The following DNAI1 variants were observed in gnomAD, a reference collection of about 807,000 sequenced individuals.
DNAI1 encodes dynein axonemal intermediate chain 1.
Under a neutral mutation model 92.0 loss-of-function variants are expected in DNAI1, and 67 were observed. The observed-to-expected ratio is 0.73, with a 90% CI of 0.60 to 0.89. The LOEUF is 0.89. Among genes scored for constraint, DNAI1 ranks in the 40% least tolerant of loss-of-function variants. DNAI1 has a pLI of 0.00. For synonymous variants in DNAI1, 323 were observed against 319.6 expected (o/e 1.01, Z -0.11); for missense variants, 839 against 866.6 (o/e 0.97, Z 0.40).
intron 16 of DNAI1, among the ~76,000 whole-genome samples, chr9:34,513,428 T>TCCGG (rs1825112067): frequency 6.6e-6 from 1 of 152,044 alleles, no homozygotes; most frequent in East Asian, 1.9e-4. Flanking sequence ...CATCTTTTCC[T>TCCGG]CCGGGCCCTC....
intron 12 of DNAI1, among the ~76,000 whole-genome samples, chr9:34,505,238 G>A: frequency 6.6e-6 from 1 of 152,118 alleles, no homozygotes; most frequent in South Asian, 2.1e-4. Flanking sequence ...CTCCAGGGGA[G>A]CAGCCCTTTC....
intron 13 of DNAI1, among the ~76,000 whole-genome samples, chr9:34,511,253 C>T (rs1200957738): frequency 2.0e-5 from 3 of 152,234 alleles, no homozygotes; most frequent in Admixed American, 2.0e-4. Flanking sequence ...GAGTCTCAAG[C>T]GTGTCATCTT....
At chr9:34,479,524 C>G (rs1440487493) in intron 1 of DNAI1, among the ~76,000 whole-genome samples, 3 of 152,152 alleles carry the variant, frequency 2.0e-5, no homozygotes, top group Non-Finnish European at 4.4e-5. Flanking sequence ...ACTCAAATTG[C>G]CTTGTCAGTT....
intron 16 of DNAI1, among the ~76,000 whole-genome samples, chr9:34,513,419 A>G (rs1189612762): frequency 6.6e-6 from 1 of 152,192 alleles, no homozygotes; most frequent in Non-Finnish European, 1.5e-5. Context: ...CCAGCTCAGC[A>G]TCTTTTCCTC....
chr9:34,492,647 G>A (rs1176976964), intron 8 of DNAI1, among the ~76,000 whole-genome samples: 2 of 150,830 alleles, frequency 1.3e-5, no homozygotes, highest in Admixed American at 1.3e-4. Context: ...AGCCTGCTGA[G>A]TAGCTGGGAC....
intron 4 of DNAI1, among the ~76,000 whole-genome samples, chr9:34,487,431 C>A (rs904313572): frequency 6.6e-6 from 1 of 151,990 alleles, no homozygotes; most frequent in Non-Finnish European, 1.5e-5. Flanking sequence ...ATGATCTGCC[C>A]GCCTCAGCCT....
chr9:34,490,133 T>C lies in DNAI1; in HGVS notation c.501+9T>C. On this transcript the variant is annotated intron_variant, in intron 6 of 19. Transcript: ENST00000242317. ...ATGTGCCTGCAGCTGGGGTACAGTA[T>C]AATATCGCTCTGTGTCCCTCTTCTT... 1 of 1,613,704 alleles carries C rather than the reference T, an allele frequency of 6.2e-7. No individual in the cohort carries two copies. The highest frequency in any genetic ancestry group is 8.5e-7 in the Non-Finnish European group (1 of 1,179,854).
At chr9:34,461,126 G>A (rs1001786640) in intron 1 of DNAI1, among the ~76,000 whole-genome samples, 12 of 152,132 alleles carry the variant, frequency 7.9e-5, no homozygotes, top group Non-Finnish European at 1.2e-4. Flanking sequence ...ACAGGTGTGG[G>A]CCACCGCACC....
chr9:34,458,992 C>T lies in DNAI1; in HGVS notation c.-14C>T. ...CAGACGAGGGAGCGTTTTGTAGGCT[C>T]TCCAGGGGTTGAGATGATTCCTGCT... On this transcript the variant is annotated 5_prime_UTR_variant, in exon 1 of 20. Transcript: ENST00000242317. The surrounding 1 kb of genome is among the most constrained non-coding windows in gnomAD (Gnocchi z 6.6). 6.2e-7 allele frequency: 1 copy of T among 1,614,066 alleles called. No individual in the cohort carries two copies. Among genetic ancestry groups the T allele is most frequent in the Non-Finnish European group, 8.5e-7 (1 of 1,179,892 alleles).
At chr9:34,478,262 A>C (rs1281597521) in intron 1 of DNAI1, among the ~76,000 whole-genome samples, 1 of 152,166 alleles carries the variant, frequency 6.6e-6, no homozygotes, top group Non-Finnish European at 1.5e-5. Context: ...ATGAAAGATG[A>C]AGCTACAGGT....
At position 34,490,530 on chromosome 9, in the gene DNAI1, G is replaced by T. The variant is rs377430984; in HGVS notation, c.621+42G>T. ...CCTAGCCCCTTTGCAGCTCTTCACT[G>T]TGCCTGGCAGGGAAGAAGCAGGCCT... On this transcript the variant is annotated intron_variant, in intron 7 of 19. Transcript: ENST00000242317. 32 of 1,613,006 alleles carry T rather than the reference G, an allele frequency of 2.0e-5. No homozygotes were observed. The South Asian group carries it at 2.5e-4, about 13-fold the overall frequency.
At chr9:34,462,036 G>A in intron 1 of DNAI1, among the ~76,000 whole-genome samples, 1 of 152,164 alleles carries the variant, frequency 6.6e-6, no homozygotes, top group South Asian at 2.1e-4. Flanking sequence ...GTTTGTTAGA[G>A]GATAGAGAGG....
intron 1 of DNAI1, among the ~76,000 whole-genome samples, chr9:34,463,902 G>C (rs558918870): frequency 4.5e-4 from 69 of 152,250 alleles, no homozygotes; most frequent in African/African-American, 1.7e-3. Flanking sequence ...TGGTGATGGG[G>C]CCTGGTATCC....
chr9:34,490,255 G>A lies in DNAI1; in HGVS notation c.502-114G>A, dbSNP rs957970715. ...GAGGCTGCAGGTGCCAATGTGTCTG[G>A]CAGCATCACTCTCTCCTACCTCTGT... On this transcript the variant is annotated intron_variant, in intron 6 of 19. Transcript: ENST00000242317. The A allele has an allele frequency of 1.3e-5, 21 of 1,607,780 alleles. No individual in the cohort carries two copies. The Admixed American group carries it at 2.0e-4, about 15-fold the overall frequency.
chr9:34,487,478 C>A (rs758718254), intron 4 of DNAI1, among the ~76,000 whole-genome samples: 5 of 152,164 alleles, frequency 3.3e-5, no homozygotes, highest in African/African-American at 4.8e-5. Flanking sequence ...AGCCACTGCG[C>A]CTGGCCCCAG....
intron 13 of DNAI1, 33 bp downstream of exon 13, chr9:34,506,907 G>A (rs1056783224): frequency 1.2e-6 from 2 of 1,606,946 alleles, no homozygotes; most frequent in Non-Finnish European, 8.5e-7. Context: ...GTGGGGATGG[G>A]AGCAGCATGT....
rs943619028 is a variant in DNAI1, at chr9:34,460,828, T to C, written c.48+1775T>C. On this transcript the variant is annotated intron_variant, in intron 1 of 19. Coordinates refer to ENST00000242317, the MANE Select transcript of DNAI1 (RefSeq NM_012144.4). ...CATGCACCACCATGCCTGGCTAATT[T>C]TTTTTTATTATTTTATTTTATTTTA... Among the ~76,000 whole-genome samples, 11 of 151,834 alleles carry C rather than the reference T, an allele frequency of 7.2e-5. 1 individual carries two copies. The highest frequency in any genetic ancestry group is 5.2e-4 in the Admixed American group (8 of 15,250).
rs558333937 is a variant in DNAI1, at chr9:34,470,720, C to T, written c.48+11667C>T. Among the ~76,000 whole-genome samples, 6 of 152,326 alleles carry T rather than the reference C, an allele frequency of 3.9e-5. No homozygotes were observed. The South Asian group carries it at 1.2e-3, about 32-fold the overall frequency. ...AGATCTGAACAGTGCTGTTAACCAA[C>T]TTGACCTAATTAACATTTATAGAAC... On this transcript the variant is annotated intron_variant, in intron 1 of 19. Transcript: ENST00000242317.
chr9:34,476,987 G>A (rs1285612669), intron 1 of DNAI1, among the ~76,000 whole-genome samples: 2 of 152,140 alleles, frequency 1.3e-5, no homozygotes, highest in South Asian at 2.1e-4. Context: ...ATCTCATGGC[G>A]GAGGGTGGGC....
Sources: allele counts gnomAD v4.1 joint callset (sites outside exome capture counted in the v4.1 genomes callset), GRCh38; gene constraint gnomAD v4.1.1; non-coding constraint Gnocchi (gnomAD v3.1); transcripts MANE v1.5; gene names NCBI Gene and HGNC (gene_info 2026-07-23, HGNC 2026-07-21).